The following RAB4B variants were observed in gnomAD, a reference collection of about 807,000 sequenced individuals.
The protein encoded by RAB4B is RAB4B, member RAS oncogene family, also known as ras-related protein Rab-4B.
In RAB4B, 15 loss-of-function variants were observed where a neutral mutation model predicts 28.3. The ratio of observed to expected loss-of-function variants is 0.53; its 90% CI spans 0.35 to 0.82. RAB4B has a LOEUF of 0.82. RAB4B is among the 40% of genes least tolerant of loss of function. The pLI, the probability that RAB4B is intolerant of heterozygous loss-of-function variation, is 0.01. For synonymous variants in RAB4B, 108 were observed against 116.3 expected (o/e 0.93, Z 0.46); for missense variants, 244 against 288.5 (o/e 0.85, Z 1.12).
intron 5 of RAB4B, 48 bp from the exon 6 acceptor site, chr19:40,786,617 G>T: frequency 1.2e-6 from 2 of 1,609,780 alleles, no homozygotes; most frequent in African/African-American, 1.3e-5. Context: ...GCTCAGTGGA[G>T]GGTGGGGACT....
rs964770253 is a variant in RAB4B, at chr19:40,778,293, T to C, written c.-83T>C. Reference sequence around the variant, plus strand: ...GGGGAGTAGGAAGGAGCCGGGGCTGTAGCCGGAGTGGAGCGGCTGCCAGCC... The same window carrying C: ...GGGGAGTAGGAAGGAGCCGGGGCTGCAGCCGGAGTGGAGCGGCTGCCAGCC... On this transcript the variant is annotated 5_prime_UTR_variant, in exon 1 of 8. Coordinates refer to ENST00000357052, the MANE Select transcript of RAB4B (RefSeq NM_016154.5). 15 of 1,368,606 alleles carry C rather than the reference T, an allele frequency of 1.1e-5. No homozygotes were observed. Among genetic ancestry groups the C allele is most frequent in the Non-Finnish European group, 1.5e-5 (15 of 1,022,696 alleles). 84.8% of individuals were successfully genotyped at this position (1,368,606 alleles called of 1,614,324 possible).
At chr19:40,781,830 G>A (rs1466978123) in intron 3 of RAB4B, among the ~76,000 whole-genome samples, 2 of 151,970 alleles carry the variant, frequency 1.3e-5, no homozygotes, top group African/African-American at 4.8e-5. Context: ...GACCATCCTG[G>A]CTAACATGGT....
chr19:40,781,304 A>G lies in RAB4B; in HGVS notation c.212+805A>G, dbSNP rs111827105. ...TCTGTCTCTGAATAAATAAATAAATAAATAAATGAATAAATAAATAAATAA... is the reference window on the plus strand; with the variant it reads ...TCTGTCTCTGAATAAATAAATAAATGAATAAATGAATAAATAAATAAATAA... On this transcript the variant is annotated intron_variant, in intron 3 of 7. Coordinates refer to ENST00000357052, the MANE Select transcript of RAB4B (RefSeq NM_016154.5). 2.4e-3 allele frequency among the ~76,000 whole-genome samples: 349 copies of G among 146,630 alleles called. 2 individuals carry two copies. The highest frequency in any genetic ancestry group is 8.7e-3 in the African/African-American group (328 of 37,888).
chr19:40,786,319 A>G, intron 5 of RAB4B: 1 of 346,562 alleles, frequency 2.9e-6, no homozygotes, highest in Non-Finnish European at 5.6e-6. Flanking sequence ...ATGGGGACCC[A>G]GGCAGAGGGT....
In RAB4B at chr19:40,786,815, G is replaced by A. The variant is rs374973858; in HGVS notation, c.527-33G>A. ...GAAGGGCAGGCCCGGGGGTCTCCAG[G>A]CAACCAATGCTGACCTCTCCCCTTC... On this transcript the variant is annotated intron_variant, in intron 6 of 7. Coordinates refer to ENST00000357052, the MANE Select transcript of RAB4B (RefSeq NM_016154.5). The A allele has an allele frequency of 8.1e-6, 13 of 1,614,102 alleles. No individual in the cohort carries two copies. The Admixed American group carries it at 1.3e-4, about 17-fold the overall frequency.
chr19:40,782,375 T>C (rs2083057292), intron 3 of RAB4B, among the ~76,000 whole-genome samples: 1 of 144,070 alleles, frequency 6.9e-6, no homozygotes, highest in Non-Finnish European at 1.6e-5. Context: ...AAGCAGATGT[T>C]GTATAGTGCT....
chr19:40,796,883 T>G lies in RAB4B; in HGVS notation c.*329T>G, dbSNP rs1403845494. The stretch of plus-strand genomic sequence containing the variant: ...CCCTGCTGTTGCTAGTACCTGTTAT[T>G]TATTACCTGGAGGCCTGTCCAGCAC... On this transcript the variant is annotated 3_prime_UTR_variant, in exon 8 of 8. Transcript: ENST00000357052. 6.5e-6 allele frequency: 1 copy of G among 152,800 alleles called. No individual in the cohort carries two copies. The highest frequency in any genetic ancestry group is 1.5e-5 in the Non-Finnish European group (1 of 68,184). 9.5% of individuals were successfully genotyped at this position (152,800 alleles called of 1,614,324 possible).
At chr19:40,788,168 T>G (rs1239378780) in intron 7 of RAB4B, among the ~76,000 whole-genome samples, 1 of 151,876 alleles carries the variant, frequency 6.6e-6, no homozygotes, top group African/African-American at 2.4e-5. Flanking sequence ...CTCATGGTGC[T>G]GACATTCTCT....
At chr19:40,784,887 C>T (rs2083084031) in intron 5 of RAB4B, among the ~76,000 whole-genome samples, 1 of 148,634 alleles carries the variant, frequency 6.7e-6, no homozygotes, top group African/African-American at 2.5e-5. Context: ...GTTGCCCAGG[C>T]TGGAGTATAG....
At chr19:40,788,319 A>G (rs911293320) in intron 7 of RAB4B, among the ~76,000 whole-genome samples, 9 of 151,786 alleles carry the variant, frequency 5.9e-5, no homozygotes, top group African/African-American at 9.7e-5. Context: ...TTATCTCCAC[A>G]AAAAGTTTTT....
At chr19:40,791,430 C>T (rs1017695412) in intron 7 of RAB4B, among the ~76,000 whole-genome samples, 1 of 152,148 alleles carries the variant, frequency 6.6e-6, no homozygotes, top group African/African-American at 2.4e-5. Context: ...TGACCCTCTG[C>T]AGGGACTGGC....
At chr19:40,790,207 G>A (rs188317838) in intron 7 of RAB4B, among the ~76,000 whole-genome samples, 25 of 152,206 alleles carry the variant, frequency 1.6e-4, no homozygotes, top group African/African-American at 5.8e-4. Flanking sequence ...GGACAGAGGA[G>A]GTCACCAGGA....
At position 40,783,787 on chromosome 19, in the gene RAB4B, G is replaced by A. The variant is rs369370918; in HGVS notation, c.222G>A (p.Thr74=). Residue 74 remains threonine, a synonymous_variant, in exon 4 of 8, where the codon ACG becomes ACA. Coordinates refer to ENST00000357052, the MANE Select transcript of RAB4B (RefSeq NM_016154.5). The part of the protein sequence containing the change: ...TAGQERFRSV[T]RSYYRGAAGA... Reference sequence around the variant, plus strand: ...CCCCCTGGCCCCACAGGTCAGTGACGCGGAGTTATTACCGAGGGGCGGCTG... The same window carrying A: ...CCCCCTGGCCCCACAGGTCAGTGACACGGAGTTATTACCGAGGGGCGGCTG... 32 of 1,573,766 alleles carry A rather than the reference G, an allele frequency of 2.0e-5. No homozygotes were observed. Among genetic ancestry groups the A allele is most frequent in the South Asian group, 2.3e-5 (2 of 86,146 alleles).
rs534242450 is a variant in RAB4B at position 40,790,941 on chromosome 19, C to T, written c.*15+3963C>T. ...TGCAGTCTCGGCTCACTGCAACCTC[C>T]GCCTCCTGGGTTCAGGTGATTCTTC... is the stretch of plus-strand genomic sequence containing the variant. On this transcript the variant is annotated intron_variant, in intron 7 of 7. Coordinates refer to ENST00000357052, the MANE Select transcript of RAB4B (RefSeq NM_016154.5). Among the ~76,000 whole-genome samples, 6 of 151,664 alleles carry T rather than the reference C, an allele frequency of 4.0e-5. No individual in the cohort carries two copies. The South Asian group carries it at 1.0e-3, about 26-fold the overall frequency.
rs373163247 is a variant in RAB4B, at chr19:40,793,572, G to GT, written c.*16-2975dup. Among the ~76,000 whole-genome samples the GT allele has an allele frequency of 3.9e-3, 486 of 125,362 alleles. 4 individuals carry two copies. The highest frequency in any genetic ancestry group is 9.8e-3 in the African/African-American group (303 of 31,040). 82.2% of individuals were successfully genotyped at this position (125,362 alleles called of 152,430 possible). On this transcript the variant is annotated intron_variant, in intron 7 of 7. Transcript: ENST00000357052. ...CCTTTTTTCTTTTCTTTTCTTTTTT[G>GT]TTTTTTTTTTTTTTTTTTTTTTTAG...
chr19:40,789,251 G>A (rs1260887649), intron 7 of RAB4B, among the ~76,000 whole-genome samples: 1 of 151,576 alleles, frequency 6.6e-6, no homozygotes, highest in South Asian at 2.1e-4. Context: ...TGCCCAGGCT[G>A]GAGTGCAATG....
intron 3 of RAB4B, among the ~76,000 whole-genome samples, chr19:40,781,640 A>G (rs965378290): frequency 2.6e-5 from 4 of 151,046 alleles, no homozygotes; most frequent in African/African-American, 7.3e-5. Flanking sequence ...GTGTTGTGGG[A>G]GAGAGAGAGA....
At chr19:40,792,823 C>T (rs1438536524) in intron 7 of RAB4B, among the ~76,000 whole-genome samples, 1 of 152,026 alleles carries the variant, frequency 6.6e-6, no homozygotes, top group African/African-American at 2.4e-5. Context: ...CTCTGTTACC[C>T]AGGCTGGAGT....
chr19:40,795,501 G>C (rs1043364357), intron 7 of RAB4B, among the ~76,000 whole-genome samples: 2 of 151,848 alleles, frequency 1.3e-5, no homozygotes, highest in African/African-American at 2.4e-5. Context: ...CTGGGTTCAA[G>C]TGATTCTCCT....
Sources: allele counts gnomAD v4.1 joint callset (sites outside exome capture counted in the v4.1 genomes callset), GRCh38; gene constraint gnomAD v4.1.1; transcripts MANE v1.5; gene names NCBI Gene and HGNC (gene_info 2026-07-23, HGNC 2026-07-21).